The following WFDC11 variants were observed in gnomAD, a reference collection of about 807,000 sequenced individuals.
WFDC11 encodes WAP four-disulfide core domain 11.
In WFDC11, 9 loss-of-function variants were observed where a neutral mutation model predicts 9.9. The observed-to-expected ratio is 0.91, with a 90% CI of 0.55 to 1.58. The LOEUF (loss-of-function observed/expected upper bound fraction) is 1.58, where lower values mean the gene tolerates loss of function less well. WFDC11 is among the 40% of genes most tolerant of loss of function. The pLI is 0.00. For synonymous variants in WFDC11, 32 were observed against 33.3 expected (o/e 0.96, Z 0.13); for missense variants, 106 against 101.7 (o/e 1.04, Z -0.18).
intron 2 of WFDC11, among the ~76,000 whole-genome samples, chr20:45,665,895 G>C (rs1180239495): frequency 6.6e-6 from 1 of 152,188 alleles, no homozygotes; most frequent in Non-Finnish European, 1.5e-5. Context: ...CACTTGAGGA[G>C]GTAGTCTGTC....
intron 2 of WFDC11, among the ~76,000 whole-genome samples, chr20:45,652,243 G>A (rs1444053096): frequency 6.6e-6 from 1 of 152,194 alleles, no homozygotes; most frequent in Non-Finnish European, 1.5e-5. Flanking sequence ...AACTTCCAGA[G>A]GAACGATCAG....
At chr20:45,662,109 G>A (rs375100791) in intron 2 of WFDC11, among the ~76,000 whole-genome samples, 2,478 of 151,188 alleles carry the variant, frequency 0.016, 66 homozygotes, top group African/African-American at 0.053. Flanking sequence ...AGTGATTTGT[G>A]GTTCTCCTTG....
chr20:45,653,096 C>G (rs1487129184), intron 2 of WFDC11, among the ~76,000 whole-genome samples: 2 of 151,994 alleles, frequency 1.3e-5, no homozygotes, highest in Non-Finnish European at 2.9e-5. Context: ...AGATACTCCT[C>G]GAGAAGAGTA....
At position 45,649,252 on chromosome 20, in the gene WFDC11, C is replaced by T. The variant is rs202122395; in HGVS notation, c.243+5G>A. On this transcript the variant is annotated splice_donor_5th_base_variant and intron_variant, in intron 4 of 4. Coordinates refer to ENST00000324384, the MANE Select transcript of WFDC11 (RefSeq NM_147197.2). ...ATACACCCAAGCAAACATCTCCCAA[C>T]TCACGACGTTTATCCAGCAGATGTT... 6 of 1,613,922 alleles carry T rather than the reference C, an allele frequency of 3.7e-6. No individual in the cohort carries two copies. The highest frequency in any genetic ancestry group is 1.7e-5 in the Admixed American group (1 of 60,014).
At chr20:45,656,167 T>A (rs1392898759) in intron 2 of WFDC11, among the ~76,000 whole-genome samples, 1 of 152,086 alleles carries the variant, frequency 6.6e-6, no homozygotes, top group African/African-American at 2.4e-5. Context: ...GGCATCACGT[T>A]ACCTGACTTC....
chr20:45,658,210 GGT>G (rs138721023), intron 2 of WFDC11, among the ~76,000 whole-genome samples: 10 of 151,138 alleles, frequency 6.6e-5, no homozygotes, highest in African/African-American at 2.2e-4. Flanking sequence ...CTTATTATTT[GGT>G]GTGTGTGTGT....
chr20:45,653,340 T>C (rs1300024622), intron 2 of WFDC11, among the ~76,000 whole-genome samples: 1 of 151,942 alleles, frequency 6.6e-6, no homozygotes, highest in East Asian at 1.9e-4. Flanking sequence ...GCTTCATAAG[T>C]GAAGGAGAAA....
intron 2 of WFDC11, among the ~76,000 whole-genome samples, chr20:45,662,174 G>A (rs893965169): frequency 6.6e-6 from 1 of 152,126 alleles, no homozygotes; most frequent in Non-Finnish European, 1.5e-5. Context: ...TATTCTCTTT[G>A]AAGCAATTGT....
chr20:45,653,547 A>T (rs1476143055), intron 2 of WFDC11, among the ~76,000 whole-genome samples: 3 of 152,142 alleles, frequency 2.0e-5, no homozygotes, highest in African/African-American at 7.2e-5. Context: ...AACAGCTAAC[A>T]TCATAATGAC....
intron 2 of WFDC11, among the ~76,000 whole-genome samples, chr20:45,656,681 T>C (rs1982940564): frequency 1.3e-5 from 2 of 152,008 alleles, no homozygotes; most frequent in Admixed American, 1.3e-4. Flanking sequence ...TTTTGCAATC[T>C]ACCCATCTGA....
At chr20:45,670,011 C>G (rs1369373720) in intron 1 of WFDC11, among the ~76,000 whole-genome samples, 167 bp downstream of exon 1, 1 of 151,956 alleles carries the variant, frequency 6.6e-6, no homozygotes, top group Admixed American at 6.6e-5. Context: ...AAAATACAAA[C>G]AAAAATCAGA....
In WFDC11 at chr20:45,656,962, G is replaced by A. The variant is rs74174959; in HGVS notation, c.-51-6311C>T. On this transcript the variant is annotated intron_variant, in intron 2 of 4. Transcript: ENST00000324384. ...GTGCTGGAGAGGATGTGGAGAAATA[G>A]GAACACTTTTACACTGTTGGTGGGA... is the stretch of plus-strand genomic sequence containing the variant. 2.6e-5 allele frequency among the ~76,000 whole-genome samples: 4 copies of A among 152,258 alleles called. No homozygotes were observed. The South Asian group carries it at 8.3e-4, about 32-fold the overall frequency.
At chr20:45,649,464 C>T (rs1291622409) in intron 3 of WFDC11, 65 bp from the exon 4 acceptor site, 2 of 1,575,550 alleles carry the variant, frequency 1.3e-6, no homozygotes. Context: ...AAAGAAAGGC[C>T]TTTCATACGT....
rs538882882 is a variant in WFDC11 at position 45,660,563 on chromosome 20, G to A, written c.-52+6525C>T. Among the ~76,000 whole-genome samples, 80 of 151,908 alleles carry A rather than the reference G, an allele frequency of 5.3e-4. No individual in the cohort carries two copies. In the South Asian group the frequency reaches 0.015, roughly 29 times the overall value. On this transcript the variant is annotated intron_variant, in intron 2 of 4. Coordinates refer to ENST00000324384, the MANE Select transcript of WFDC11 (RefSeq NM_147197.2). The stretch of plus-strand genomic sequence containing the variant: ...TATATCTCCCAATGCTATCCCTCCC[G>A]CCTCTCCCCACCCCACAACAGTCCC...
At chr20:45,658,910 C>CCG (rs1555803755) in intron 2 of WFDC11, among the ~76,000 whole-genome samples, 1 of 100,306 alleles carries the variant, frequency 1.0e-5, no homozygotes, top group African/African-American at 3.0e-5. Flanking sequence ...GATGCCCACC[C>CCG]CCCCGTCCAT....
intron 1 of WFDC11, among the ~76,000 whole-genome samples, chr20:45,667,752 T>A (rs1983217340): frequency 6.6e-6 from 1 of 152,228 alleles, no homozygotes; most frequent in African/African-American, 2.4e-5. Context: ...AAAGTGAGAA[T>A]AGCAGTACTT....
chr20:45,653,906 A>T (rs889478236), intron 2 of WFDC11, among the ~76,000 whole-genome samples: 23 of 152,266 alleles, frequency 1.5e-4, no homozygotes, highest in Admixed American at 3.3e-4. Context: ...ATGCACCCAA[A>T]ACAGGAGCAC....
At chr20:45,649,175 C>A (rs904821981) in intron 4 of WFDC11, 82 bp downstream of exon 4, 14 of 1,537,960 alleles carry the variant, frequency 9.1e-6, no homozygotes, top group Non-Finnish European at 1.2e-5. Context: ...GTACCTCAGT[C>A]TTCTGTTTAG....
At chr20:45,655,223 G>T (rs1406906090) in intron 2 of WFDC11, among the ~76,000 whole-genome samples, 1 of 152,150 alleles carries the variant, frequency 6.6e-6, no homozygotes, top group Admixed American at 6.5e-5. Flanking sequence ...ACATCAAAAA[G>T]CTTATCCACC....
Sources: gnomAD v4.1 joint callset for allele counts (sites outside exome capture counted in the v4.1 genomes callset) on GRCh38, gnomAD v4.1.1 for gene constraint, MANE v1.5 for transcripts, NCBI Gene and HGNC (gene_info 2026-07-23, HGNC 2026-07-21) for gene names.